Variants in USH2A observed in about 807,000 individuals in gnomAD.
USH2A encodes the protein Usher syndrome 2A (autosomal recessive, mild).
In USH2A, 443 loss-of-function variants were observed where a neutral mutation model predicts 538.9. The observed-to-expected ratio is 0.82, with a 90% CI of 0.76 to 0.89. The LOEUF (loss-of-function observed/expected upper bound fraction) is 0.89. Among genes scored for constraint, USH2A ranks in the 40% least tolerant of loss-of-function variants. The pLI, the probability that USH2A is intolerant of heterozygous loss-of-function variation, is 0.00. For synonymous variants in USH2A, 2,413 were observed against 2,273.5 expected (o/e 1.06, Z -1.75); for missense variants, 6,633 against 6,324.8 (o/e 1.05, Z -1.65).
chr1:215,690,891 CT>C (rs1658580451), intron 61 of USH2A, among the ~76,000 whole-genome samples: 1 of 151,956 alleles, frequency 6.6e-6, no homozygotes, highest in Non-Finnish European at 1.5e-5. Flanking sequence ...CTCAGTTTGC[CT>C]TTTTTTCTCT....
intron 29 of USH2A, among the ~76,000 whole-genome samples, chr1:216,072,095 A>G (rs1241754833): frequency 6.6e-6 from 1 of 152,234 alleles, no homozygotes; most frequent in Non-Finnish European, 1.5e-5. Context: ...GTCTTTAGAC[A>G]AATTGATACT....
intron 64 of USH2A, among the ~76,000 whole-genome samples, chr1:215,656,688 G>GAAGA (rs1294305052): frequency 6.6e-6 from 1 of 152,122 alleles, no homozygotes; most frequent in Non-Finnish European, 1.5e-5. Context: ...TTAAGAGAGG[G>GAAGA]AAGAATATCT....
intron 20 of USH2A, among the ~76,000 whole-genome samples, chr1:216,176,655 T>C (rs73096701): frequency 4.6e-5 from 7 of 152,244 alleles, no homozygotes; most frequent in African/African-American, 1.7e-4. Context: ...CATCCATCAT[T>C]ATGCTATTAC....
chr1:216,334,011 A>G (rs2102668723), intron 4 of USH2A, among the ~76,000 whole-genome samples: 1 of 152,232 alleles, frequency 6.6e-6, no homozygotes, highest in East Asian at 1.9e-4. Context: ...TGTAATCCAG[A>G]TGAAGAAATA....
At chr1:215,708,105 TC>T (rs1659234776) in intron 61 of USH2A, among the ~76,000 whole-genome samples, 1 of 152,202 alleles carries the variant, frequency 6.6e-6, no homozygotes, top group Non-Finnish European at 1.5e-5. Context: ...AAGGGAAACA[TC>T]CTTTTAAACT....
intron 21 of USH2A, among the ~76,000 whole-genome samples, chr1:216,100,361 G>A (rs538998392): frequency 6.6e-6 from 1 of 152,286 alleles, no homozygotes. Flanking sequence ...GCATCTACCA[G>A]CAGAAACATA....
At chr1:216,252,414 G>T (rs1254703314) in intron 11 of USH2A, among the ~76,000 whole-genome samples, 4 of 152,120 alleles carry the variant, frequency 2.6e-5, no homozygotes, top group African/African-American at 4.8e-5. Context: ...CCTACATGTG[G>T]AAAGATATTA....
chr1:216,145,492 A>G (rs1204456378), intron 21 of USH2A, among the ~76,000 whole-genome samples: 2 of 152,232 alleles, frequency 1.3e-5, no homozygotes, highest in East Asian at 1.9e-4. Context: ...ATTAAAAAAA[A>G]TCTTGTTGAT....
Position 215,629,134 on chromosome 1 carries a change from CTG to C in USH2A, c.15298-101_15298-100del, listed in dbSNP as rs1656174869. 8.8e-6 allele frequency: 11 copies of C among 1,246,880 alleles called. No homozygotes were observed. The South Asian group carries it at 1.4e-4, about 15-fold the overall frequency. The allele number at this position is 1,246,880 out of a possible 1,614,324, so 77.2% of individuals were successfully genotyped here. On this transcript the variant is annotated intron_variant, in intron 70 of 71. Transcript: ENST00000307340. ...CACACATTGTCAGTGAAGGGAATGA[CTG>C]TCTCCTGACAATTGTCACATTGTCA...
At chr1:216,088,294 A>G (rs1383625880) in intron 23 of USH2A, among the ~76,000 whole-genome samples, 1 of 152,004 alleles carries the variant, frequency 6.6e-6, no homozygotes, top group Admixed American at 6.6e-5. Context: ...TGGCTTTTTC[A>G]TTCTCAGAAT....
chr1:216,373,423 C>T (rs1427573220), intron 3 of USH2A, among the ~76,000 whole-genome samples: 2 of 152,106 alleles, frequency 1.3e-5, no homozygotes, highest in Non-Finnish European at 2.9e-5. Flanking sequence ...TTTCTCTTTT[C>T]CCATTCTATC....
At chr1:216,028,774 G>A (rs1399816058) in intron 32 of USH2A, among the ~76,000 whole-genome samples, 1 of 151,786 alleles carries the variant, frequency 6.6e-6, no homozygotes, top group Admixed American at 6.6e-5. Flanking sequence ...ACACATTTGT[G>A]GTATTAATTT....
intron 21 of USH2A, among the ~76,000 whole-genome samples, chr1:216,147,837 G>A (rs2033742667): frequency 6.6e-6 from 1 of 151,468 alleles, no homozygotes; most frequent in African/African-American, 2.4e-5. Context: ...CTGGAAATCT[G>A]GCCACTGGGC....
chr1:216,068,617 G>A (rs911231226), intron 30 of USH2A, among the ~76,000 whole-genome samples: 2 of 152,118 alleles, frequency 1.3e-5, no homozygotes, highest in Non-Finnish European at 2.9e-5. Flanking sequence ...AGGACGATAA[G>A]CTATCAGTAA....
At chr1:216,196,132 T>C (rs1334635848) in intron 19 of USH2A, among the ~76,000 whole-genome samples, 1 of 152,180 alleles carries the variant, frequency 6.6e-6, no homozygotes, top group African/African-American at 2.4e-5. Flanking sequence ...TAGAAATGTA[T>C]ATGAAATGTA....
chr1:215,996,658 A>C (rs7528281), intron 34 of USH2A, among the ~76,000 whole-genome samples: 2 of 125,340 alleles, frequency 1.6e-5, no homozygotes, highest in Admixed American at 1.1e-4. Flanking sequence ...CAAGCAAATT[A>C]TTTAATTCAT....
chr1:216,258,706 G>T (rs538393251), intron 11 of USH2A, among the ~76,000 whole-genome samples: 1 of 152,106 alleles, frequency 6.6e-6, no homozygotes, highest in African/African-American at 2.4e-5. Context: ...AGCAAACATT[G>T]TCCTCATTGC....
intron 3 of USH2A, among the ~76,000 whole-genome samples, chr1:216,418,105 C>T (rs956512039): frequency 6.6e-6 from 1 of 152,092 alleles, no homozygotes; most frequent in African/African-American, 2.4e-5. Context: ...TTATTCACAT[C>T]ATCAGCTGCT....
chr1:215,657,403 A>T (rs568583758), intron 64 of USH2A, among the ~76,000 whole-genome samples: 1 of 152,248 alleles, frequency 6.6e-6, no homozygotes, highest in Non-Finnish European at 1.5e-5. Context: ...TTGAAATTAC[A>T]TGATTACAAG....
Sources: allele counts gnomAD v4.1 joint callset (sites outside exome capture counted in the v4.1 genomes callset), GRCh38; gene constraint gnomAD v4.1.1; transcripts MANE v1.5; gene names NCBI Gene and HGNC (gene_info 2026-07-23, HGNC 2026-07-21).